The following CAMTA1 variants were observed in gnomAD, a reference collection of about 807,000 sequenced individuals.
The protein encoded by CAMTA1 is calmodulin-binding transcription activator 1.
Under a neutral mutation model 170.9 loss-of-function variants are expected in CAMTA1, and 27 were observed. The observed-to-expected ratio is 0.16, with a 90% CI of 0.12 to 0.22. The LOEUF (loss-of-function observed/expected upper bound fraction) is 0.22. CAMTA1 is among the 10% of genes least tolerant of loss of function. CAMTA1 has a pLI of 1.00. For synonymous variants in CAMTA1, 833 were observed against 891.5 expected, an observed-to-expected ratio of 0.93 and a Z score of 1.17; for missense variants, 1,619 against 2,217.2, an observed-to-expected ratio of 0.73 and a Z score of 5.42.
At chr1:6,988,963 T>C (rs1425095726) in intron 3 of CAMTA1, among the ~76,000 whole-genome samples, 1 of 152,152 alleles carries the variant, frequency 6.6e-6, no homozygotes. Context: ...CTGCTCCTGG[T>C]AGTTTTCTTT....
intron 3 of CAMTA1, among the ~76,000 whole-genome samples, chr1:6,894,994 A>G (rs1392857052): frequency 2.6e-5 from 4 of 152,196 alleles, no homozygotes; most frequent in African/African-American, 9.7e-5. Context: ...GGGCGAGGTC[A>G]AGGGAGGAGG....
At position 7,155,929 on chromosome 1, in the gene CAMTA1, TA is replaced by T. The variant is rs372726056; in HGVS notation, c.302+64559del. Among the ~76,000 whole-genome samples the T allele has an allele frequency of 6.6e-4, 100 of 152,290 alleles. No homozygotes were observed. The East Asian group carries it at 0.017, about 25-fold the overall frequency. On this transcript the variant is annotated intron_variant, in intron 4 of 22. Coordinates refer to ENST00000303635, the MANE Select transcript of CAMTA1 (RefSeq NM_015215.4). ...TTCCACATTTATGGGGCATCTCTTC[TA>T]GAGCTAGCTCTGTGCCAAAAAGGAG...
At chr1:7,327,991 G>A (rs540652339) in intron 5 of CAMTA1, among the ~76,000 whole-genome samples, 7 of 151,854 alleles carry the variant, frequency 4.6e-5, no homozygotes. Context: ...TATTAGTCCA[G>A]TGTCTCTTGA....
intron 9 of CAMTA1, among the ~76,000 whole-genome samples, chr1:7,670,122 C>T (rs932159929): frequency 6.6e-6 from 1 of 152,178 alleles, no homozygotes; most frequent in Non-Finnish European, 1.5e-5. Context: ...TTCGAGGCTG[C>T]TCCCAGCCAG....
At chr1:7,239,802 C>A (rs1165661514) in intron 4 of CAMTA1, among the ~76,000 whole-genome samples, 1 of 151,802 alleles carries the variant, frequency 6.6e-6, no homozygotes, top group East Asian at 1.9e-4. Context: ...GAGCATGGCG[C>A]CTTGTGAGGG....
intron 5 of CAMTA1, among the ~76,000 whole-genome samples, chr1:7,427,525 A>C (rs974301059): frequency 6.6e-6 from 1 of 152,186 alleles, no homozygotes; most frequent in Admixed American, 6.5e-5. Context: ...ATAATTTGCT[A>C]TAAGCTGTAT....
At position 7,738,315 on chromosome 1, in the gene CAMTA1, C is replaced by T; in HGVS notation, c.4015C>T (p.Pro1339Ser). ...GVSTVQVTGN[P>S]KGTSVGKEAA... Reference sequence around the variant, plus strand: ...GTCTACAGTACAGGTGACTGGAAATCCGAAGGGGACCAGTGTAGGAAAGGA... The same window carrying T: ...GTCTACAGTACAGGTGACTGGAAATTCGAAGGGGACCAGTGTAGGAAAGGA... The change falls in exon 16 of 23, where the codon CCG becomes TCG. Residue 1339 changes from proline (P) to serine (S), a missense_variant. By Grantham distance (74) the Pro-to-Ser change is moderately conservative. This residue lies in a region of CAMTA1 where 370 missense variants were observed against 429.4 expected (regional missense o/e 0.86). Coordinates refer to ENST00000303635, the MANE Select transcript of CAMTA1 (RefSeq NM_015215.4). This position sits in a 1 kb window ranked among gnomAD's most constrained non-coding sequence, Gnocchi z 4.9. 6.2e-7 allele frequency: 1 copy of T among 1,614,166 alleles called. No individual in the cohort carries two copies. Among genetic ancestry groups the T allele is most frequent in the Non-Finnish European group, 8.5e-7 (1 of 1,180,040 alleles).
At chr1:7,744,749 C>A in intron 16 of CAMTA1, 86 bp from the exon 17 acceptor site, 1 of 1,146,752 alleles carries the variant, frequency 8.7e-7, no homozygotes, top group Non-Finnish European at 1.2e-6. Context: ...TTATTTTTTT[C>A]TCTCCAAGGC....
At chr1:7,457,851 G>T (rs2092995538) in intron 5 of CAMTA1, among the ~76,000 whole-genome samples, 1 of 152,118 alleles carries the variant, frequency 6.6e-6, no homozygotes, top group Non-Finnish European at 1.5e-5. Flanking sequence ...TCCCCACCTG[G>T]CGGGTCTTCT....
chr1:7,341,595 C>G (rs115576644), intron 5 of CAMTA1, among the ~76,000 whole-genome samples: 2,601 of 152,326 alleles, frequency 0.017, 77 homozygotes, highest in African/African-American at 0.058. Flanking sequence ...AAAGCAGCCC[C>G]AGCTGGCATT....
At chr1:7,179,181 GA>G (rs1651577989) in intron 4 of CAMTA1, among the ~76,000 whole-genome samples, 1 of 152,180 alleles carries the variant, frequency 6.6e-6, no homozygotes, top group African/African-American at 2.4e-5. Flanking sequence ...ACTACACTCA[GA>G]AAAATGGCTG....
At chr1:7,452,823 G>T (rs1039980842) in intron 5 of CAMTA1, among the ~76,000 whole-genome samples, 5 of 152,250 alleles carry the variant, frequency 3.3e-5, no homozygotes, top group Non-Finnish European at 7.3e-5. Flanking sequence ...CTGTAGATAT[G>T]TGTGTGCAGG....
chr1:7,755,437 T>C (rs1355978805), intron 21 of CAMTA1, among the ~76,000 whole-genome samples: 1 of 151,536 alleles, frequency 6.6e-6, no homozygotes, highest in Non-Finnish European at 1.5e-5. Flanking sequence ...TTCTAAGTCA[T>C]ATGACCCCAA....
chr1:6,870,692 A>G (rs1668159930), intron 3 of CAMTA1, among the ~76,000 whole-genome samples: 1 of 152,168 alleles, frequency 6.6e-6, no homozygotes, highest in Admixed American at 6.5e-5. Flanking sequence ...AAGAATGGTA[A>G]CTAAGTTCTT....
chr1:6,838,742 A>G (rs2148667764), intron 3 of CAMTA1, among the ~76,000 whole-genome samples: 1 of 146,508 alleles, frequency 6.8e-6, no homozygotes, highest in Non-Finnish European at 1.5e-5. Flanking sequence ...TTTGACAGTG[A>G]TCCACAGCAT....
In CAMTA1 at chr1:7,609,379, G is replaced by A. The variant is rs1034654810; in HGVS notation, c.511-31021G>A. Reference sequence around the variant, plus strand: ...ACTCAACACTCAAAATAATGATCTCGCTGGAGCACCTTCATGAATGATTCA... The same window carrying A: ...ACTCAACACTCAAAATAATGATCTCACTGGAGCACCTTCATGAATGATTCA... On this transcript the variant is annotated intron_variant, in intron 6 of 22. Coordinates refer to ENST00000303635, the MANE Select transcript of CAMTA1 (RefSeq NM_015215.4). This position sits in a 1 kb window ranked among gnomAD's most constrained non-coding sequence, Gnocchi z 4.4. Among the ~76,000 whole-genome samples the A allele has an allele frequency of 1.3e-5, 2 of 152,116 alleles. No individual in the cohort carries two copies. The highest frequency in any genetic ancestry group is 1.5e-5 in the Non-Finnish European group (1 of 68,016).
chr1:6,921,043 C>T (rs936459300), intron 3 of CAMTA1, among the ~76,000 whole-genome samples: 11 of 152,244 alleles, frequency 7.2e-5, no homozygotes, highest in African/African-American at 2.2e-4. Flanking sequence ...TTGAATTTCT[C>T]CTCAGAAAAT....
At chr1:7,688,217 C>T (rs2096275482) in intron 11 of CAMTA1, among the ~76,000 whole-genome samples, 1 of 152,008 alleles carries the variant, frequency 6.6e-6, no homozygotes, top group South Asian at 2.1e-4. Flanking sequence ...GTTGGCCAGG[C>T]TGGTCTCGAA....
At chr1:7,553,464 A>C (rs186180693) in intron 6 of CAMTA1, among the ~76,000 whole-genome samples, 9 of 152,308 alleles carry the variant, frequency 5.9e-5, no homozygotes, top group Non-Finnish European at 1.2e-4. Context: ...GACCCATCCC[A>C]CAGGGCTCCC....
Sources: allele counts gnomAD v4.1 joint callset (sites outside exome capture counted in the v4.1 genomes callset), GRCh38; gene constraint gnomAD v4.1.1; regional missense constraint gnomAD v4.1.1; non-coding constraint Gnocchi (gnomAD v3.1); transcripts MANE v1.5; gene names NCBI Gene and HGNC (gene_info 2026-07-23, HGNC 2026-07-21).